The following FSTL4 variants were observed in gnomAD, a reference collection of about 807,000 sequenced individuals.
The protein encoded by FSTL4 is follistatin like 4, also known as follistatin-related protein 4.
In FSTL4, 28 loss-of-function variants were observed where a neutral mutation model predicts 78.2. That is an observed-to-expected ratio of 0.36 (90% confidence interval 0.27 to 0.49). The LOEUF (loss-of-function observed/expected upper bound fraction) is 0.49. Among genes scored for constraint, FSTL4 ranks in the 20% least tolerant of loss-of-function variants. The probability of loss-of-function intolerance (pLI) is 0.98; values close to 1 mark genes in which losing one functional copy is unlikely to be tolerated. For synonymous variants in FSTL4, 422 were observed against 440.5 expected (o/e 0.96, Z 0.53); for missense variants, 922 against 1,084.9 (o/e 0.85, Z 2.11).
chr5:133,769,275 C>T, the FSTL4 span, among the ~76,000 whole-genome samples: 3 of 152,182 alleles, frequency 2.0e-5, no homozygotes, highest in African/African-American at 4.8e-5. Context: ...TTGGTGATTC[C>T]AGTGGCTGGA....
At chr5:133,796,291 G>A in the FSTL4 span, among the ~76,000 whole-genome samples, 5 of 152,194 alleles carry the variant, frequency 3.3e-5, no homozygotes, top group African/African-American at 7.2e-5. Flanking sequence ...AGGTGGGCTT[G>A]TGTTACAGTA....
chr5:133,336,870 T>A (rs545835551), intron 4 of FSTL4, among the ~76,000 whole-genome samples: 1 of 152,286 alleles, frequency 6.6e-6, no homozygotes, highest in African/African-American at 2.4e-5. Context: ...TGAGCACCAT[T>A]TCCATGACCA....
At chr5:133,394,340 G>C (rs541675014) in intron 4 of FSTL4, among the ~76,000 whole-genome samples, 7 of 152,236 alleles carry the variant, frequency 4.6e-5, no homozygotes, top group Admixed American at 1.3e-4. Context: ...CTCTGCTTGC[G>C]GGGAGGTGTG....
the FSTL4 span, among the ~76,000 whole-genome samples, chr5:133,808,003 C>T: frequency 3.3e-5 from 5 of 152,174 alleles, no homozygotes; most frequent in Non-Finnish European, 7.3e-5. Flanking sequence ...CTCTACCCAC[C>T]AAGCACTATG....
chr5:133,251,744 C>T (rs1752248529), intron 6 of FSTL4, among the ~76,000 whole-genome samples: 1 of 152,182 alleles, frequency 6.6e-6, no homozygotes, highest in Non-Finnish European at 1.5e-5. Context: ...ACAACCAGAC[C>T]TAGACCGAAC....
chr5:133,833,968 C>T, the FSTL4 span, among the ~76,000 whole-genome samples: 1 of 152,126 alleles, frequency 6.6e-6, no homozygotes, highest in Non-Finnish European at 1.5e-5. Flanking sequence ...TCAGACGTGT[C>T]CCTATTTTGA....
At chr5:133,642,149 G>A in the FSTL4 span, among the ~76,000 whole-genome samples, 13 of 152,314 alleles carry the variant, frequency 8.5e-5, no homozygotes, top group Admixed American at 5.2e-4. Context: ...GGGAAGTGAG[G>A]AAATGGGATC....
the FSTL4 span, among the ~76,000 whole-genome samples, chr5:133,691,065 A>G: frequency 3.9e-5 from 6 of 152,236 alleles, no homozygotes; most frequent in Non-Finnish European, 8.8e-5. Flanking sequence ...ACACTGAATT[A>G]AACCTTTCTT....
At chr5:133,454,519 G>T (rs1757444509) in intron 3 of FSTL4, among the ~76,000 whole-genome samples, 1 of 152,222 alleles carries the variant, frequency 6.6e-6, no homozygotes, top group Admixed American at 6.5e-5. Flanking sequence ...GATCTCATAA[G>T]CTCACAGAGG....
chr5:133,444,520 T>A (rs943114841), intron 3 of FSTL4, among the ~76,000 whole-genome samples: 3 of 152,230 alleles, frequency 2.0e-5, no homozygotes, highest in African/African-American at 7.2e-5. Flanking sequence ...AGGTCTGTTA[T>A]GTCTTTTCAT....
the FSTL4 span, among the ~76,000 whole-genome samples, chr5:133,663,156 G>A: frequency 9.6e-3 from 1,453 of 151,730 alleles, 7 homozygotes; most frequent in Non-Finnish European, 0.014. Flanking sequence ...CTGTAATTGC[G>A]GTGATGGTTA....
At chr5:133,634,770 GA>G in the FSTL4 span, among the ~76,000 whole-genome samples, 1 of 152,124 alleles carries the variant, frequency 6.6e-6, no homozygotes, top group African/African-American at 2.4e-5. Flanking sequence ...TACTAATTGA[GA>G]AAATAACTAC....
intron 4 of FSTL4, among the ~76,000 whole-genome samples, chr5:133,356,023 G>A (rs1333945444): frequency 6.6e-6 from 1 of 152,178 alleles, no homozygotes; most frequent in African/African-American, 2.4e-5. Flanking sequence ...AGGCTTGGGG[G>A]CCTGGGTCCC....
chr5:133,305,445 G>C (rs1371768444), intron 6 of FSTL4, among the ~76,000 whole-genome samples: 1 of 152,106 alleles, frequency 6.6e-6, no homozygotes, highest in Non-Finnish European at 1.5e-5. Flanking sequence ...CACCTGCCTG[G>C]GACACCTTTT....
the FSTL4 span, among the ~76,000 whole-genome samples, chr5:133,621,756 A>T: frequency 6.6e-6 from 1 of 151,600 alleles, no homozygotes; most frequent in Non-Finnish European, 1.5e-5. Flanking sequence ...ATGGAAAAAT[A>T]AAATAATAAA....
the FSTL4 span, among the ~76,000 whole-genome samples, chr5:133,830,611 C>T: frequency 6.6e-6 from 1 of 152,158 alleles, no homozygotes; most frequent in Non-Finnish European, 1.5e-5. Context: ...GAAAATCATC[C>T]CCACTTCCCA....
intron 3 of FSTL4, among the ~76,000 whole-genome samples, chr5:133,451,335 C>T (rs917670867): frequency 4.6e-5 from 7 of 151,692 alleles, no homozygotes; most frequent in African/African-American, 1.7e-4. Flanking sequence ...CAGAGGCGTG[C>T]GGATTACCTG....
intron 4 of FSTL4, among the ~76,000 whole-genome samples, chr5:133,340,946 T>C (rs1044153835): frequency 6.7e-6 from 1 of 148,814 alleles, no homozygotes; most frequent in African/African-American, 2.5e-5. Context: ...TGGCCCTCTA[T>C]TGTCAAAAGC....
chr5:133,762,596 A>G, the FSTL4 span, among the ~76,000 whole-genome samples: 1 of 152,230 alleles, frequency 6.6e-6, no homozygotes, highest in Non-Finnish European at 1.5e-5. Context: ...TCGTATATCC[A>G]GAAGGTCCAG....
Sources: gnomAD v4.1 joint callset for allele counts (sites outside exome capture counted in the v4.1 genomes callset) on GRCh38, gnomAD v4.1.1 for gene constraint, MANE v1.5 for transcripts, NCBI Gene and HGNC (gene_info 2026-07-23, HGNC 2026-07-21) for gene names.